Variants in CAPN14 observed in about 807,000 individuals in gnomAD.
The protein encoded by CAPN14 is calpain 14, also known as calpain-14.
A neutral mutation model predicts 101.3 loss-of-function variants in CAPN14; 94 were observed. The ratio of observed to expected loss-of-function variants is 0.93; its 90% confidence interval spans 0.79 to 1.10. The LOEUF (loss-of-function observed/expected upper bound fraction) is 1.10, where lower values mean the gene tolerates loss of function less well. Ranked by LOEUF, CAPN14 falls within the 50% of genes least tolerant of loss-of-function variation. The pLI is 0.00. For missense variants in CAPN14, 837 were observed against 828.4 expected, an observed-to-expected ratio of 1.01 and a Z score of -0.13; for synonymous variants, 338 against 317.9, an observed-to-expected ratio of 1.06 and a Z score of -0.67.
chr2:31,231,033 T>A (rs1171679314), intron 1 of CAPN14, among the ~76,000 whole-genome samples: 5 of 152,206 alleles, frequency 3.3e-5, no homozygotes, highest in African/African-American at 2.4e-5. Flanking sequence ...TCCATAACAA[T>A]GTCCACTAGG....
intron 16 of CAPN14, 105 bp downstream of exon 16, chr2:31,186,323 G>C (rs1680898486): frequency 2.9e-6 from 2 of 695,356 alleles, no homozygotes; most frequent in South Asian, 4.7e-5. Context: ...GTTGAGACCA[G>C]TGCTCAGTAA....
Position 31,176,993 on chromosome 2 carries a change from G to A in CAPN14, c.1972+33C>T, listed in dbSNP as rs756944114. 16 of 1,451,798 alleles carry A rather than the reference G, an allele frequency of 1.1e-5. No homozygotes were observed. The African/African-American group carries it at 2.0e-4, about 18-fold the overall frequency. The allele number at this position is 1,451,798 out of a possible 1,614,324, so 89.9% of individuals were successfully genotyped here. ...GGGAAGTCATGGGGCAGCAGAGGAA[G>A]ACCTGGCCCTCCCCAGCTTCCCGCC... is the stretch of plus-strand genomic sequence containing the variant. On this transcript the variant is annotated intron_variant, in intron 20 of 21. Transcript: ENST00000403897.
upstream of CAPN14, among the ~76,000 whole-genome samples, chr2:31,219,505 G>T (rs1247919452): frequency 2.6e-5 from 4 of 152,304 alleles, no homozygotes; most frequent in South Asian, 8.3e-4. Context: ...GCAAGTTTGT[G>T]ATTTATGACC....
intron 17 of CAPN14, among the ~76,000 whole-genome samples, chr2:31,179,122 G>A (rs918345609): frequency 2.8e-5 from 4 of 144,774 alleles, no homozygotes; most frequent in African/African-American, 7.7e-5. Context: ...TGTGCACAAT[G>A]TGCAGGTTTG....
Position 31,205,119 on chromosome 2 carries a change from G to C in CAPN14, c.225+104C>G, listed in dbSNP as rs72859328. ...TGTGTTGTGTTGAGTGGAGAGGAGA[G>C]AGTAGGAAAAAGCCTGTTTTTTTCT... On this transcript the variant is annotated intron_variant, in intron 2 of 21. Coordinates refer to ENST00000403897, the MANE Select transcript of CAPN14 (RefSeq NM_001145122.2). 9,271 of 929,412 alleles carry C rather than the reference G, an allele frequency of 1.0e-2. 406 individuals are homozygous for C. The African/African-American group carries it at 0.11, about 11-fold the overall frequency. 57.6% of individuals were successfully genotyped at this position (929,412 alleles called of 1,614,324 possible).
intron 2 of CAPN14, among the ~76,000 whole-genome samples, chr2:31,224,990 T>C (rs1458517147): frequency 6.6e-6 from 1 of 151,986 alleles, no homozygotes; most frequent in Non-Finnish European, 1.5e-5. Flanking sequence ...ATCCCAATGA[T>C]TCGGTTTTGT....
At chr2:31,204,399 T>C (rs1681963506) in intron 2 of CAPN14, among the ~76,000 whole-genome samples, 1 of 152,162 alleles carries the variant, frequency 6.6e-6, no homozygotes, top group African/African-American at 2.4e-5. Context: ...GTCCTTCGTA[T>C]GCTAATGATT....
chr2:31,185,233 A>G (rs1680846111), intron 16 of CAPN14, among the ~76,000 whole-genome samples: 1 of 152,236 alleles, frequency 6.6e-6, no homozygotes, highest in Non-Finnish European at 1.5e-5. Flanking sequence ...TCATCTAAAC[A>G]TCTAAGCATA....
At chr2:31,177,337 C>T (rs1041178225) in intron 19 of CAPN14, among the ~76,000 whole-genome samples, 195 bp from the exon 20 acceptor site, 34 of 152,188 alleles carry the variant, frequency 2.2e-4, no homozygotes, top group African/African-American at 8.0e-4. Flanking sequence ...ACTCTTCACC[C>T]CTGTCTGTTA....
intron 15 of CAPN14, among the ~76,000 whole-genome samples, chr2:31,187,333 T>C (rs1680944424): frequency 1.3e-5 from 2 of 151,940 alleles, no homozygotes; most frequent in African/African-American, 2.4e-5. Flanking sequence ...CCACCTTCTC[T>C]CCAGGTGACC....
At chr2:31,218,830 T>C (rs1319484124), upstream of CAPN14, among the ~76,000 whole-genome samples, 2 of 152,130 alleles carry the variant, frequency 1.3e-5, no homozygotes, top group Admixed American at 1.3e-4. Context: ...TCAAATCAAA[T>C]CCAAAGCTTT....
In CAPN14 at chr2:31,188,343, C is replaced by G. The variant is rs1681005550; in HGVS notation, c.1505G>C (p.Ser502Thr). The G allele has an allele frequency of 6.4e-7, 1 of 1,551,642 alleles. No homozygotes were observed. The highest frequency in any genetic ancestry group is 8.7e-7 in the Non-Finnish European group (1 of 1,146,962). ...CTTTGAGAAGACGACACCAGAATTG[C>G]TGCCAATTTCACTGAGAACAAACAA... is the stretch of plus-strand genomic sequence containing the variant. ...SRKHIFYEIGSNSGVVFSKEI... is the reference protein window; with the variant it reads ...SRKHIFYEIGTNSGVVFSKEI... Residue 502 changes from serine to threonine, a missense_variant, in exon 14 of 22, where the codon AGC becomes ACC. By Grantham distance (58) the Ser-to-Thr change is moderately conservative. Transcript: ENST00000403897.
intron 1 of CAPN14, among the ~76,000 whole-genome samples, chr2:31,210,149 A>C (rs370922353): frequency 2.0e-5 from 3 of 152,214 alleles, no homozygotes; most frequent in African/African-American, 7.2e-5. Context: ...TCTGCCATTG[A>C]AAGTTCAGTC....
At chr2:31,199,109 A>G (rs2148687779) in intron 7 of CAPN14, among the ~76,000 whole-genome samples, 1 of 152,262 alleles carries the variant, frequency 6.6e-6, no homozygotes, top group East Asian at 1.9e-4. Flanking sequence ...AGCAATGGAG[A>G]CTGTCATAAA....
chr2:31,207,194 G>A (rs1572427456), intron 1 of CAPN14, among the ~76,000 whole-genome samples: 1 of 152,126 alleles, frequency 6.6e-6, no homozygotes, highest in East Asian at 1.9e-4. Flanking sequence ...GTGACCTGGG[G>A]TCCTCTCCAT....
At position 31,225,667 on chromosome 2, in the gene CAPN14, T is replaced by C. The variant is rs190399583; in HGVS notation, c.-53+861A>G. On this transcript the variant is annotated intron_variant and NMD_transcript_variant, in intron 2 of 21. Coordinates refer to the CAPN14 transcript ENST00000398824. ...CCATTATTGAATATAGTTAATTAGA[T>C]TACAGAATTTCCATATGGCTGAATA... Among the ~76,000 whole-genome samples the C allele has an allele frequency of 5.9e-5, 9 of 152,250 alleles. No homozygotes were observed. The East Asian group carries it at 1.7e-3, about 29-fold the overall frequency.
rs532463593 is a variant in CAPN14 at position 31,197,544 on chromosome 2, G to A, written c.790-210C>T. 3.9e-5 allele frequency among the ~76,000 whole-genome samples: 6 copies of A among 152,300 alleles called. No individual in the cohort carries two copies. In the South Asian group the frequency reaches 6.2e-4, roughly 16 times the overall value. On this transcript the variant is annotated intron_variant, in intron 7 of 21. Transcript: ENST00000403897. Reference sequence around the variant, plus strand: ...TAACCTCTCTGTGTCTCCATTTCCCGATCTGTGAAATAAGGTCAATAGTCA... The same window carrying A: ...TAACCTCTCTGTGTCTCCATTTCCCAATCTGTGAAATAAGGTCAATAGTCA...
chr2:31,229,679 CAAAAAAAAAA>C (rs3031884), intron 1 of CAPN14, among the ~76,000 whole-genome samples: 4 of 99,052 alleles, frequency 4.0e-5, no homozygotes, highest in African/African-American at 1.5e-4. Context: ...ACCCTATGTC[CAAAAAAAAAA>C]AAAAAAAAAA....
Position 31,194,465 on chromosome 2 carries a change from C to T in CAPN14, c.894G>A (p.Leu298=). ...GCAGAATCTTCTCCTTGGGGCTCAG[C>T]AGCTCCCATTTACTTGAACTGAAAA... is the stretch of plus-strand genomic sequence containing the variant. ...DWSDSSSKWE[L]LSPKEKILLL... is the part of the protein sequence containing the mutation. Residue 298 remains leucine, a synonymous_variant, in exon 9 of 22, where the codon CTG becomes CTA. Coordinates refer to ENST00000403897, the MANE Select transcript of CAPN14 (RefSeq NM_001145122.2). 1 of 1,551,346 alleles carries T rather than the reference C, an allele frequency of 6.4e-7. No individual in the cohort carries two copies. Among genetic ancestry groups the T allele is most frequent in the Non-Finnish European group, 8.7e-7 (1 of 1,146,720 alleles).
Sources: gnomAD v4.1 joint callset for allele counts (sites outside exome capture counted in the v4.1 genomes callset) on GRCh38, gnomAD v4.1.1 for gene constraint, MANE v1.5 for transcripts, NCBI Gene and HGNC (gene_info 2026-07-23, HGNC 2026-07-21) for gene names.